Variants in ARB2A observed in about 807,000 individuals in gnomAD.
ARB2A encodes the protein cotranscriptional regulator ARB2A.
chr5:94,052,833 G>A, the ARB2A span, among the ~76,000 whole-genome samples: 2 of 152,062 alleles, frequency 1.3e-5, no homozygotes, highest in Admixed American at 6.5e-5. Flanking sequence ...GGAGTTGAAC[G>A]CTCAAGGTTG....
chr5:93,784,346 C>T, the ARB2A span: 1 of 1,464,650 alleles, frequency 6.8e-7, no homozygotes, highest in Non-Finnish European at 9.6e-7. Flanking sequence ...AAGGCTCACA[C>T]CCATTCATCT....
At chr5:93,834,891 C>T in the ARB2A span, among the ~76,000 whole-genome samples, 1 of 152,100 alleles carries the variant, frequency 6.6e-6, no homozygotes, top group Non-Finnish European at 1.5e-5. Flanking sequence ...CTTTCTAATA[C>T]GCTTCAATTA....
chr5:93,999,724 T>C, the ARB2A span, among the ~76,000 whole-genome samples: 11 of 152,024 alleles, frequency 7.2e-5, no homozygotes, highest in Non-Finnish European at 1.6e-4. Flanking sequence ...CTTGGTGCTG[T>C]ACTTTCTATG....
At chr5:93,711,939 T>C in the ARB2A span, among the ~76,000 whole-genome samples, 3 of 152,180 alleles carry the variant, frequency 2.0e-5, no homozygotes, top group African/African-American at 4.8e-5. Context: ...GGTAGACCAG[T>C]AGACTAGCTA....
chr5:93,811,584 T>C, the ARB2A span, among the ~76,000 whole-genome samples: 1 of 152,158 alleles, frequency 6.6e-6, no homozygotes, highest in Non-Finnish European at 1.5e-5. Flanking sequence ...ACACTATTTA[T>C]TTATTTTTCA....
the ARB2A span, among the ~76,000 whole-genome samples, chr5:93,978,784 T>C: frequency 2.6e-5 from 4 of 151,816 alleles, no homozygotes; most frequent in African/African-American, 9.7e-5. Flanking sequence ...AATTTAAAAA[T>C]AAATAAAATA....
chr5:93,736,947 T>C, the ARB2A span: 1 of 152,168 alleles, frequency 6.6e-6, no homozygotes, highest in Non-Finnish European at 1.5e-5. Flanking sequence ...CTACACATTT[T>C]TGCCAGAGCA....
the ARB2A span, among the ~76,000 whole-genome samples, chr5:94,103,351 A>G: frequency 6.6e-6 from 1 of 152,182 alleles, no homozygotes; most frequent in African/African-American, 2.4e-5. Flanking sequence ...AAAACAAAAA[A>G]GAGACAGATT....
chr5:94,000,594 C>G, the ARB2A span, among the ~76,000 whole-genome samples: 1 of 152,090 alleles, frequency 6.6e-6, no homozygotes, highest in East Asian at 1.9e-4. Context: ...TTTTTTCTCT[C>G]AGTTTGTGAC....
the ARB2A span, among the ~76,000 whole-genome samples, chr5:94,073,653 T>C: frequency 6.6e-6 from 1 of 152,142 alleles, no homozygotes; most frequent in Non-Finnish European, 1.5e-5. Flanking sequence ...AAACCCAGCA[T>C]GTCTATTTAG....
the ARB2A span, among the ~76,000 whole-genome samples, chr5:93,631,797 T>C: frequency 5.0e-5 from 2 of 40,278 alleles, no homozygotes; most frequent in African/African-American, 2.0e-4. Flanking sequence ...GGGAGGGGGA[T>C]AGGGAGAGGG....
At chr5:93,698,811 C>T in the ARB2A span, among the ~76,000 whole-genome samples, 2 of 152,166 alleles carry the variant, frequency 1.3e-5, no homozygotes, top group East Asian at 1.9e-4. Flanking sequence ...GATAGACACA[C>T]ATTTTGTCCT....
chr5:93,694,699 A>T, the ARB2A span, among the ~76,000 whole-genome samples: 3 of 152,344 alleles, frequency 2.0e-5, no homozygotes, highest in East Asian at 5.8e-4. Flanking sequence ...TTTAAATTTC[A>T]TATGGAACCA....
chr5:94,013,181 T>G, the ARB2A span, among the ~76,000 whole-genome samples: 9 of 149,736 alleles, frequency 6.0e-5, no homozygotes, highest in East Asian at 7.8e-4. Flanking sequence ...TTGTTTTTTT[T>G]TTTTTTTTTT....
chr5:93,741,285 T>C, the ARB2A span: 1 of 1,613,668 alleles, frequency 6.2e-7, no homozygotes, highest in Non-Finnish European at 8.5e-7. Flanking sequence ...CGGAGGGGCG[T>C]CGCAACCAGT....
At chr5:94,058,193 T>C in the ARB2A span, among the ~76,000 whole-genome samples, 1 of 151,734 alleles carries the variant, frequency 6.6e-6, no homozygotes, top group Non-Finnish European at 1.5e-5. Flanking sequence ...GATACAAATA[T>C]TATAAATACC....
the ARB2A span, among the ~76,000 whole-genome samples, chr5:93,747,053 T>TGCTTG: frequency 3.9e-5 from 6 of 152,190 alleles, no homozygotes; most frequent in Non-Finnish European, 7.4e-5. Flanking sequence ...ATTATCACTC[T>TGCTTG]GCTTCCATTT....
At chr5:93,691,204 G>C in the ARB2A span, among the ~76,000 whole-genome samples, 42 of 152,168 alleles carry the variant, frequency 2.8e-4, no homozygotes, top group Admixed American at 9.2e-4. Context: ...GTAGGAGTCA[G>C]AAGATGGATA....
chr5:93,887,998 T>G, the ARB2A span, among the ~76,000 whole-genome samples: 6 of 151,912 alleles, frequency 3.9e-5, no homozygotes, highest in Non-Finnish European at 7.4e-5. Context: ...AAGGATATAT[T>G]GACAAACACA....
Sources: allele counts gnomAD v4.1 joint callset (sites outside exome capture counted in the v4.1 genomes callset), GRCh38; gene constraint gnomAD v4.1.1; transcripts MANE v1.5; gene names NCBI Gene and HGNC (gene_info 2026-07-23, HGNC 2026-07-21).